TSC1: variants seen among roughly 807,000 people sequenced by gnomAD.
TSC1 encodes TSC complex subunit 1.
In TSC1, 20 loss-of-function variants were observed where a neutral mutation model predicts 124.3. The ratio of observed to expected loss-of-function variants is 0.16; its 90% CI spans 0.11 to 0.23. The LOEUF (loss-of-function observed/expected upper bound fraction) is 0.23, where lower values mean the gene tolerates loss of function less well. TSC1 is among the 10% of genes least tolerant of loss of function. The probability of loss-of-function intolerance (pLI) is 1.00; values close to 1 mark genes in which losing one functional copy is unlikely to be tolerated. For missense variants in TSC1, 1,124 were observed against 1,448.5 expected, an observed-to-expected ratio of 0.78 and a Z score of 3.64; for synonymous variants, 493 against 539.1, an observed-to-expected ratio of 0.91 and a Z score of 1.19.
chr9:132,896,135 T>G lies in TSC1; in HGVS notation c.*100A>C, dbSNP rs1183504122. ...TCCGTCCCATTTCCACACATGAACTTGCACTCAGACCCTGGAAACAGGAAA... is the reference window on the plus strand; with the variant it reads ...TCCGTCCCATTTCCACACATGAACTGGCACTCAGACCCTGGAAACAGGAAA... On this transcript the variant is annotated 3_prime_UTR_variant, in exon 23 of 23. Coordinates refer to ENST00000298552, the MANE Select transcript of TSC1 (RefSeq NM_000368.5). This position sits in a 1 kb window ranked among gnomAD's most constrained non-coding sequence, Gnocchi z 4.5. 1 of 1,557,776 alleles carries G rather than the reference T, an allele frequency of 6.4e-7. No individual in the cohort carries two copies. Among genetic ancestry groups the G allele is most frequent in the Admixed American group, 1.7e-5 (1 of 59,958 alleles).
intron 2 of TSC1, among the ~76,000 whole-genome samples, chr9:132,933,238 G>T (rs944500057): frequency 1.3e-5 from 2 of 152,092 alleles, no homozygotes; most frequent in Admixed American, 1.3e-4. Context: ...GCTAATTTTT[G>T]TATTTTTCGT....
chr9:132,941,712 G>C (rs1158758064), intron 1 of TSC1: 1 of 152,152 alleles, frequency 6.6e-6, no homozygotes, highest in African/African-American at 2.4e-5. Flanking sequence ...GTAAAGGAAA[G>C]GATAAATGAT....
At chr9:132,943,088 C>A (rs1160673818) in intron 1 of TSC1, among the ~76,000 whole-genome samples, 1 of 152,224 alleles carries the variant, frequency 6.6e-6, no homozygotes, top group Non-Finnish European at 1.5e-5. Context: ...TACAGCTCCA[C>A]TTTGCCGGCC....
rs1358830007 is a variant in TSC1, at chr9:132,891,655, C to CCA, written c.*4578_*4579dup. The CCA allele has an allele frequency of 4.3e-6, 1 of 233,430 alleles. No individual in the cohort carries two copies. Among genetic ancestry groups the CCA allele is most frequent in the Non-Finnish European group, 8.5e-6 (1 of 118,004 alleles). The allele number at this position is 233,430 out of a possible 1,614,324, so 14.5% of individuals were successfully genotyped here. Reference sequence around the variant, plus strand: ...GGGACCCCTTTAAACTGCAAGTTTGCCACACATGGTTCATTCATGATTGAG... The same window carrying CCA: ...GGGACCCCTTTAAACTGCAAGTTTGCCACACACATGGTTCATTCATGATTGAG... On this transcript the variant is annotated 3_prime_UTR_variant, in exon 23 of 23. Transcript: ENST00000298552.
In TSC1 at chr9:132,928,822, G is replaced by T; in HGVS notation, c.51C>A (p.Pro17=). The T allele has an allele frequency of 1.2e-6, 2 of 1,614,186 alleles. No individual in the cohort carries two copies. Among genetic ancestry groups the T allele is most frequent in the Non-Finnish European group, 1.7e-6 (2 of 1,180,040 alleles). The change falls in exon 3 of 23, where the codon CCC becomes CCA. Residue 17 remains proline, a synonymous_variant. Transcript: ENST00000298552. The part of the protein sequence containing the change: ...VGELLAMLDS[P]MLGVRDDVTA... ...TCACGTCGTCCCGCACACCCAGCAT[G>T]GGGGAGTCCAGCATGGCAAGAAGCT... is the stretch of plus-strand genomic sequence containing the variant.
intron 5 of TSC1, among the ~76,000 whole-genome samples, chr9:132,924,095 C>G (rs1846724044): frequency 6.6e-6 from 1 of 152,010 alleles, no homozygotes; most frequent in African/African-American, 2.4e-5. Context: ...AGCACGCCTA[C>G]AGTTTAAATA....
chr9:132,940,567 TG>T (rs1847681125), intron 1 of TSC1, among the ~76,000 whole-genome samples: 1 of 152,180 alleles, frequency 6.6e-6, no homozygotes, highest in Non-Finnish European at 1.5e-5. Flanking sequence ...ACTAAATGTT[TG>T]GGCTGTGGAG....
chr9:132,929,118 G>A (rs1847061528), intron 2 of TSC1, among the ~76,000 whole-genome samples, 166 bp from the exon 3 acceptor site: 1 of 152,232 alleles, frequency 6.6e-6, no homozygotes, highest in Non-Finnish European at 1.5e-5. Context: ...AGAAGATAAA[G>A]TGTATGAATA....
At position 132,895,293 on chromosome 9, in the gene TSC1, G is replaced by A. The variant is rs565743323; in HGVS notation, c.*942C>T. 3.6e-4 allele frequency: 85 copies of A among 233,354 alleles called. No individual in the cohort carries two copies. The highest frequency in any genetic ancestry group is 1.7e-3 in the African/African-American group (76 of 45,428). The allele number at this position is 233,354 out of a possible 1,614,324, so 14.5% of individuals were successfully genotyped here. A position where few individuals can be genotyped will look rare whatever the true frequency, so the allele number is the denominator to read the frequency against. ...ATATAAGCTGACATGAACAAGAGGCGTATGCACACAAAGGGAGGCCAGTAG... is the reference window on the plus strand; with the variant it reads ...ATATAAGCTGACATGAACAAGAGGCATATGCACACAAAGGGAGGCCAGTAG... On this transcript the variant is annotated 3_prime_UTR_variant, in exon 23 of 23. Transcript: ENST00000298552.
intron 2 of TSC1, among the ~76,000 whole-genome samples, chr9:132,930,817 TAGG>T (rs1564506803): frequency 6.6e-6 from 1 of 152,162 alleles, no homozygotes; most frequent in Non-Finnish European, 1.5e-5. Flanking sequence ...TACCATGATA[TAGG>T]AAGTTGCTGA....
At chr9:132,926,685 C>CTTT in intron 4 of TSC1, 1 of 160,080 alleles carries the variant, frequency 6.2e-6, no homozygotes, top group South Asian at 1.6e-4. Context: ...TAAACAAGAT[C>CTTT]TTTTTTTTTT....
intron 6 of TSC1, 117 bp from the exon 7 acceptor site, chr9:132,922,090 A>C: frequency 8.3e-7 from 1 of 1,210,418 alleles, no homozygotes; most frequent in Non-Finnish European, 1.2e-6. Context: ...TTCCCACCTC[A>C]CTCCAAAGAC....
intron 8 of TSC1, among the ~76,000 whole-genome samples, chr9:132,918,421 A>G (rs752180116): frequency 3.0e-4 from 46 of 152,184 alleles, no homozygotes; most frequent in Non-Finnish European, 4.9e-4. Context: ...AGTGAAAACC[A>G]CTGGAGGAGC....
At chr9:132,913,372 C>A (rs1324104656) in intron 8 of TSC1, among the ~76,000 whole-genome samples, 1 of 152,100 alleles carries the variant, frequency 6.6e-6, no homozygotes, top group Non-Finnish European at 1.5e-5. Flanking sequence ...TTCCTTTGTG[C>A]CCTTTGTGGT....
intron 2 of TSC1, chr9:132,931,146 T>C (rs1007172768): frequency 6.6e-6 from 1 of 152,222 alleles, no homozygotes; most frequent in Non-Finnish European, 1.5e-5. Context: ...AAGAATGTTG[T>C]TCATAAATTT....
rs2132237603 is a variant in TSC1 at position 132,925,711 on chromosome 9, A to G, written c.239T>C (p.Val80Ala). The G allele has an allele frequency of 1.2e-6, 2 of 1,614,208 alleles. No individual in the cohort carries two copies. Among genetic ancestry groups the G allele is most frequent in the Non-Finnish European group, 1.7e-6 (2 of 1,180,040 alleles). ...KHLLDRINEY[V>A]GKAATRLSIL... ...GGATAAACGAGTGGCGGCTTTGCCC[A>G]CATATTCGTTAATCCTGTCCAAGAG... is the stretch of plus-strand genomic sequence containing the variant. Residue 80 changes from valine (V) to alanine (A), a missense_variant, in exon 5 of 23, where the codon GTG becomes GCG. This residue lies in a region of TSC1 where 463 missense variants were observed against 606.8 expected (regional missense o/e 0.76). Transcript: ENST00000298552.
chr9:132,940,607 A>G (rs1306470496), intron 1 of TSC1: 1 of 152,236 alleles, frequency 6.6e-6, no homozygotes, highest in Non-Finnish European at 1.5e-5. Context: ...ATCCCAGCTT[A>G]GCCACTGAAT....
intron 2 of TSC1, among the ~76,000 whole-genome samples, chr9:132,929,198 T>C (rs1847067704): frequency 6.6e-6 from 1 of 152,256 alleles, no homozygotes; most frequent in African/African-American, 2.4e-5. Context: ...TAAAAACTGA[T>C]ACCAGTCACA....
At chr9:132,911,236 A>T in intron 10 of TSC1, 123 bp from the exon 11 acceptor site, 1 of 873,272 alleles carries the variant, frequency 1.1e-6, no homozygotes, top group Non-Finnish European at 1.9e-6. Flanking sequence ...GCATCTTATT[A>T]AAAGCGTATC....
Sources: allele counts gnomAD v4.1 joint callset (sites outside exome capture counted in the v4.1 genomes callset), GRCh38; gene constraint gnomAD v4.1.1; regional missense constraint gnomAD v4.1.1; non-coding constraint Gnocchi (gnomAD v3.1); transcripts MANE v1.5; gene names NCBI Gene and HGNC (gene_info 2026-07-23, HGNC 2026-07-21).